The following CLCN3 variants were observed in gnomAD, a reference collection of about 807,000 sequenced individuals.
CLCN3 encodes the protein H(+)/Cl(-) exchange transporter 3.
In CLCN3, 16 loss-of-function variants were observed where a neutral mutation model predicts 83.4. The observed-to-expected ratio is 0.19, with a 90% CI of 0.13 to 0.29. CLCN3 has a LOEUF of 0.29. Ranked by LOEUF, CLCN3 falls within the 10% of genes least tolerant of loss-of-function variation. The pLI is 1.00. For synonymous variants in CLCN3, 322 were observed against 346.2 expected (o/e 0.93, Z 0.78); for missense variants, 544 against 1,006.0 (o/e 0.54, Z 6.21).
At chr4:169,670,162 A>G (rs1366239949) in intron 2 of CLCN3, among the ~76,000 whole-genome samples, 1 of 152,132 alleles carries the variant, frequency 6.6e-6, no homozygotes, top group Non-Finnish European at 1.5e-5. Flanking sequence ...TTTTGTCGCC[A>G]TTGCTTTTGG....
chr4:169,635,056 A>G (rs1313639734), intron 1 of CLCN3, among the ~76,000 whole-genome samples: 1 of 152,164 alleles, frequency 6.6e-6, no homozygotes, highest in Non-Finnish European at 1.5e-5. Flanking sequence ...GTTAGAATTC[A>G]CTGCTAGAAT....
chr4:169,638,950 C>T (rs1034009019), intron 2 of CLCN3, among the ~76,000 whole-genome samples: 5 of 152,202 alleles, frequency 3.3e-5, no homozygotes, highest in Admixed American at 6.6e-5. Context: ...TGAAATTAGG[C>T]ACTTTAACAT....
intron 1 of CLCN3, among the ~76,000 whole-genome samples, chr4:169,635,200 A>G (rs1393098908): frequency 5.9e-5 from 9 of 152,170 alleles, no homozygotes; most frequent in Non-Finnish European, 1.2e-4. Context: ...GCATCTTTCA[A>G]GTCCCACCCA....
At chr4:169,654,860 A>G (rs557103072) in intron 2 of CLCN3, among the ~76,000 whole-genome samples, 100 of 152,292 alleles carry the variant, frequency 6.6e-4, no homozygotes, top group Middle Eastern at 3.4e-3. Flanking sequence ...CATGTCCATT[A>G]GGTAAAGTTT....
intron 2 of CLCN3, among the ~76,000 whole-genome samples, chr4:169,671,339 A>G (rs1353598502): frequency 6.6e-6 from 1 of 152,202 alleles, no homozygotes; most frequent in African/African-American, 2.4e-5. Flanking sequence ...CAGCAAACTA[A>G]CACAGAAATA....
rs760785457 is a variant in CLCN3, at chr4:169,677,841, CTTT to C, written c.161-2206_161-2204del. 2.0e-4 allele frequency among the ~76,000 whole-genome samples: 31 copies of C among 152,282 alleles called. No individual in the cohort carries two copies. The Middle Eastern group carries it at 0.014, about 67-fold the overall frequency. ...GATATTGTGGATTTGATTTCCATTTCTTTTTATGTGTTAGCTTGAGCTTATTTT... is the reference window on the plus strand; with the variant it reads ...GATATTGTGGATTTGATTTCCATTTCTTATGTGTTAGCTTGAGCTTATTTT... On this transcript the variant is annotated intron_variant, in intron 2 of 12. Transcript: ENST00000513761.
intron 12 of CLCN3, among the ~76,000 whole-genome samples, chr4:169,719,485 A>G (rs888631834): frequency 9.9e-5 from 15 of 152,176 alleles, no homozygotes; most frequent in African/African-American, 3.4e-4. Context: ...AAATAAATAA[A>G]TGAAAAAGAG....
At chr4:169,719,046 G>A (rs1560879459) in intron 12 of CLCN3, among the ~76,000 whole-genome samples, 1 of 152,158 alleles carries the variant, frequency 6.6e-6, no homozygotes. Flanking sequence ...TCTGATGTTT[G>A]GGATTGACGT....
At chr4:169,666,958 A>C (rs991519050) in intron 2 of CLCN3, among the ~76,000 whole-genome samples, 2 of 152,252 alleles carry the variant, frequency 1.3e-5, no homozygotes, top group Non-Finnish European at 2.9e-5. Flanking sequence ...TACTGTTATT[A>C]TTAGACATGA....
At chr4:169,637,873 A>G (rs1409518442) in intron 2 of CLCN3, among the ~76,000 whole-genome samples, 2 of 152,216 alleles carry the variant, frequency 1.3e-5, no homozygotes, top group Non-Finnish European at 2.9e-5. Flanking sequence ...AATGTACTAC[A>G]GTGACATCTT....
chr4:169,715,013 A>G (rs1733372010), intron 12 of CLCN3, among the ~76,000 whole-genome samples: 1 of 152,102 alleles, frequency 6.6e-6, no homozygotes, highest in African/African-American at 2.4e-5. Flanking sequence ...AAATGGCTCA[A>G]CTGGAACCTA....
chr4:169,678,898 C>G (rs1440999155), intron 2 of CLCN3, among the ~76,000 whole-genome samples: 1 of 152,044 alleles, frequency 6.6e-6, no homozygotes, highest in Non-Finnish European at 1.5e-5. Flanking sequence ...GCCATCCTCA[C>G]CATGGCCCGT....
chr4:169,656,479 C>T (rs2150216125), intron 2 of CLCN3, among the ~76,000 whole-genome samples: 1 of 152,236 alleles, frequency 6.6e-6, no homozygotes, highest in African/African-American at 2.4e-5. Context: ...AGGCTCCACA[C>T]CATGATCCAG....
intron 12 of CLCN3, among the ~76,000 whole-genome samples, chr4:169,719,605 G>A (rs1485255801): frequency 6.6e-6 from 1 of 151,664 alleles, no homozygotes; most frequent in African/African-American, 2.4e-5. Flanking sequence ...CATCCATCCA[G>A]TTTTTGTTAC....
intron 3 of CLCN3, among the ~76,000 whole-genome samples, chr4:169,686,008 TC>T (rs1323963024): frequency 6.6e-6 from 1 of 152,072 alleles, no homozygotes; most frequent in African/African-American, 2.4e-5. Context: ...ATAGACTGGG[TC>T]CATGTCCTTT....
At chr4:169,671,330 A>G (rs1731448073) in intron 2 of CLCN3, among the ~76,000 whole-genome samples, 1 of 152,232 alleles carries the variant, frequency 6.6e-6, no homozygotes, top group Admixed American at 6.5e-5. Context: ...CATCATTCTC[A>G]GCAAACTAAC....
chr4:169,671,382 G>A (rs1176475937), intron 2 of CLCN3, among the ~76,000 whole-genome samples: 1 of 152,160 alleles, frequency 6.6e-6, no homozygotes, highest in South Asian at 2.1e-4. Context: ...TCACTTATAA[G>A]TGGGAGTTGA....
chr4:169,641,446 C>T (rs755239255), intron 2 of CLCN3, among the ~76,000 whole-genome samples: 52 of 152,168 alleles, frequency 3.4e-4, no homozygotes, highest in Middle Eastern at 3.2e-3. Flanking sequence ...ACATAGTAGA[C>T]GAGGCTCAGA....
chr4:169,670,493 G>C (rs1442326135), intron 2 of CLCN3, among the ~76,000 whole-genome samples: 5 of 152,180 alleles, frequency 3.3e-5, no homozygotes, highest in African/African-American at 4.8e-5. Context: ...TTTGGTACCA[G>C]TACTATGCTG....
Sources: allele counts gnomAD v4.1 joint callset (sites outside exome capture counted in the v4.1 genomes callset), GRCh38; gene constraint gnomAD v4.1.1; transcripts MANE v1.5; gene names NCBI Gene and HGNC (gene_info 2026-07-23, HGNC 2026-07-21).